The following PI4KA variants were observed in gnomAD, a reference collection of about 807,000 sequenced individuals.
PI4KA encodes PI4-kinase alpha.
In PI4KA, 122 loss-of-function variants were observed where a neutral mutation model predicts 271.4. The observed-to-expected ratio is 0.45, with a 90% CI of 0.39 to 0.52. PI4KA has a LOEUF of 0.52. Ranked by LOEUF, PI4KA falls within the 20% of genes least tolerant of loss-of-function variation. The probability of loss-of-function intolerance (pLI) is 0.00; values close to 1 mark genes in which losing one functional copy is unlikely to be tolerated. For missense variants in PI4KA, 1,969 were observed against 2,769.1 expected (o/e 0.71, Z 6.48); for synonymous variants, 1,041 against 1,078.8 (o/e 0.96, Z 0.69).
chr22:20,776,478 G>A lies in PI4KA; in HGVS notation c.2329-10785C>T, dbSNP rs890940748. 7.2e-5 allele frequency among the ~76,000 whole-genome samples: 11 copies of A among 152,176 alleles called. No individual in the cohort carries two copies. The East Asian group carries it at 1.9e-3, about 27-fold the overall frequency. On this transcript the variant is annotated intron_variant, in intron 19 of 54. Transcript: ENST00000255882. ...CAATGTGACTTTCCTGCTCCAAAATGTGCAATTCAAAAGTCTTTCTTAGTT... is the reference window on the plus strand; with the variant it reads ...CAATGTGACTTTCCTGCTCCAAAATATGCAATTCAAAAGTCTTTCTTAGTT...
In PI4KA at chr22:20,836,088, A is replaced by AC. The variant is rs56870063; in HGVS notation, c.274-1434_274-1433insG. Reference sequence around the variant, plus strand: ...ACAAAACAAAACAAAACAAAACAAAAAACAACAAAAAAACATGGCAGAAGG... The same window carrying AC: ...ACAAAACAAAACAAAACAAAACAAAACAACAACAAAAAAACATGGCAGAAGG... On this transcript the variant is annotated intron_variant, in intron 2 of 54. Transcript: ENST00000255882. 1.6e-3 allele frequency among the ~76,000 whole-genome samples: 235 copies of AC among 150,068 alleles called. 3 individuals are homozygous for AC. The highest frequency in any genetic ancestry group is 7.8e-3 in the East Asian group (40 of 5,110).
At chr22:20,779,449 AT>A in intron 19 of PI4KA, 2 of 1,614,196 alleles carry the variant, frequency 1.2e-6, no homozygotes, top group Non-Finnish European at 1.7e-6. Flanking sequence ...GAGCAGTTAA[AT>A]AACAAAAACC....
At chr22:20,815,170 C>A (rs1921613453) in intron 7 of PI4KA, among the ~76,000 whole-genome samples, 1 of 151,848 alleles carries the variant, frequency 6.6e-6, no homozygotes, top group African/African-American at 2.4e-5. Context: ...ATCACAAGGT[C>A]AAGAGATTGA....
intron 43 of PI4KA, among the ~76,000 whole-genome samples, chr22:20,720,445 G>A (rs1183635876): frequency 2.0e-5 from 3 of 152,138 alleles, no homozygotes; most frequent in Admixed American, 1.3e-4. Flanking sequence ...TCAGCTACTT[G>A]GGAGGATGAG....
At chr22:20,764,675 A>G in intron 22 of PI4KA, 142 bp downstream of exon 22, 1 of 773,918 alleles carries the variant, frequency 1.3e-6, no homozygotes. Context: ...CGAGAAAAGT[A>G]GAGGGTGTTT....
At chr22:20,760,366 ACTT>A (rs1272828259) in intron 23 of PI4KA, among the ~76,000 whole-genome samples, 2 of 152,228 alleles carry the variant, frequency 1.3e-5, no homozygotes, top group Admixed American at 1.3e-4. Context: ...TATAAATCAG[ACTT>A]CTTAGTGCCC....
intron 43 of PI4KA, among the ~76,000 whole-genome samples, chr22:20,719,179 C>T (rs1396976362): frequency 3.3e-5 from 5 of 152,138 alleles, no homozygotes; most frequent in African/African-American, 1.2e-4. Flanking sequence ...AAGCCCGTGT[C>T]ATTTATGAAT....
At chr22:20,756,275 G>A (rs11703725) in intron 23 of PI4KA, among the ~76,000 whole-genome samples, 35,719 of 151,310 alleles carry the variant, frequency 0.24, 5,606 homozygotes, top group Non-Finnish European at 0.34. Context: ...GCAGTGGTGC[G>A]ATCTCAGCTC....
chr22:20,721,379 T>C lies in PI4KA; in HGVS notation c.5035A>G (p.Lys1679Glu). The C allele has an allele frequency of 1.2e-6, 2 of 1,614,008 alleles. No individual in the cohort carries two copies. The highest frequency in any genetic ancestry group is 1.7e-6 in the Non-Finnish European group (2 of 1,179,944). The change falls in exon 43 of 55, where the codon AAA (lysine) becomes GAA (glutamate). Residue 1679 changes from lysine to glutamate, a missense_variant. Transcript: ENST00000255882. ...VREYILWAAS[K>E]SQLLAHQFIW... ...AACTGGTGTGCCAGAAGCTGGGATT[T>C]AGACGCTGCCCACAGAATATACTCC... is the stretch of plus-strand genomic sequence containing the variant.
rs1286076176 is a variant in PI4KA, at chr22:20,721,300, T to A, written c.5114A>T (p.Asp1705Val). 1 of 1,613,974 alleles carries A rather than the reference T, an allele frequency of 6.2e-7. No individual in the cohort carries two copies. The highest frequency in any genetic ancestry group is 8.5e-7 in the Non-Finnish European group (1 of 1,179,988). The change falls in exon 43 of 55, where the codon GAC becomes GTC. Residue 1705 changes from aspartate (D) to valine (V), a missense_variant and splice_region_variant. This residue lies in a region of PI4KA where 388 missense variants were observed against 521.5 expected (regional missense o/e 0.74). Transcript: ENST00000255882. ...CTGTGGGAGGACAAAATACTCACGGTCTTTCTGGTGGCCCTCTTCATCTAG... is the reference window on the plus strand; with the variant it reads ...CTGTGGGAGGACAAAATACTCACGGACTTTCTGGTGGCCCTCTTCATCTAG... Reference protein sequence around the residue: ...IYLDEEGHQKDPDIGDLLDQL... With the variant: ...IYLDEEGHQKVPDIGDLLDQL...
chr22:20,742,674 G>T lies in PI4KA; in HGVS notation c.3547C>A (p.Arg1183Ser). ...MVQDLHSALD[R>S]SHPQHYTQAM... is the part of the protein sequence containing the mutation. ...TGCGTGTAGTGCTGAGGATGACTGC[G>T]GTCTAAAGCTGAATGTAGATCCTGG... The change falls in exon 31 of 55, where the codon CGC (arginine) becomes AGC (serine). Residue 1183 changes from arginine to serine, a missense_variant. Physicochemically the swap from Arg to Ser is moderately radical, Grantham distance 110. Transcript: ENST00000255882. 1 of 1,614,058 alleles carries T rather than the reference G, an allele frequency of 6.2e-7. No individual in the cohort carries two copies. The highest frequency in any genetic ancestry group is 8.5e-7 in the Non-Finnish European group (1 of 1,179,944).
At chr22:20,826,885 A>T (rs11705291) in intron 3 of PI4KA, among the ~76,000 whole-genome samples, 10 of 129,378 alleles carry the variant, frequency 7.7e-5, no homozygotes, top group Non-Finnish European at 1.3e-4. Context: ...TCCTTGGCTC[A>T]CCTTTTAACG....
chr22:20,778,487 G>C (rs1933481711), intron 19 of PI4KA, among the ~76,000 whole-genome samples: 1 of 152,130 alleles, frequency 6.6e-6, no homozygotes, highest in Non-Finnish European at 1.5e-5. Context: ...CTGGGTGACA[G>C]AGTGAGACTC....
chr22:20,752,272 C>T (rs1930787298), intron 25 of PI4KA, among the ~76,000 whole-genome samples: 1 of 152,196 alleles, frequency 6.6e-6, no homozygotes, highest in Admixed American at 6.5e-5. Context: ...GTTCTCGTGA[C>T]CCCTGGCTGG....
At chr22:20,784,609 G>A (rs1170165830) in intron 19 of PI4KA, among the ~76,000 whole-genome samples, 2 of 152,094 alleles carry the variant, frequency 1.3e-5, no homozygotes, top group Admixed American at 1.3e-4. Flanking sequence ...GCGATGCTGA[G>A]CGCCCCTCCC....
At chr22:20,808,527 T>TTGC (rs1446539167) in intron 9 of PI4KA, among the ~76,000 whole-genome samples, 5 of 150,376 alleles carry the variant, frequency 3.3e-5, no homozygotes, top group Non-Finnish European at 1.5e-5. Flanking sequence ...GAGGCGGAGC[T>TTGC]TGCAGTGAGC....
intron 1 of PI4KA, among the ~76,000 whole-genome samples, chr22:20,849,892 C>A (rs165696): frequency 0.31 from 47,020 of 151,964 alleles, 7,578 homozygotes; most frequent in East Asian, 0.43. Context: ...CCACAAAAAA[C>A]CACATCTTAT....
intron 13 of PI4KA, 133 bp downstream of exon 13, chr22:20,803,058 C>T (rs60466897): frequency 0.034 from 30,335 of 890,274 alleles, 661 homozygotes; most frequent in Middle Eastern, 0.065. Flanking sequence ...TTGGAGGGGA[C>T]GCAAAGGGAA....
intron 28 of PI4KA, among the ~76,000 whole-genome samples, chr22:20,748,349 G>T (rs76888103): frequency 6.6e-6 from 1 of 152,222 alleles, no homozygotes; most frequent in Admixed American, 6.5e-5. Flanking sequence ...TGGCCTTGCG[G>T]TCAACAGGCA....
Sources: gnomAD v4.1 joint callset for allele counts (sites outside exome capture counted in the v4.1 genomes callset) on GRCh38, gnomAD v4.1.1 for gene constraint, gnomAD v4.1.1 regional missense constraint, MANE v1.5 for transcripts, NCBI Gene and HGNC (gene_info 2026-07-23, HGNC 2026-07-21) for gene names.